The following XIRP2 variants were observed in gnomAD, a reference collection of about 807,000 sequenced individuals.
The protein encoded by XIRP2 is xin actin binding repeat containing 2.
XIRP2 carries 236 observed loss-of-function variants against 277.0 expected under a neutral mutation model. The ratio of observed to expected loss-of-function variants is 0.85; its 90% CI spans 0.77 to 0.95. The LOEUF (loss-of-function observed/expected upper bound fraction) is 0.95, where lower values mean the gene tolerates loss of function less well. Among genes scored for constraint, XIRP2 ranks in the 40% least tolerant of loss-of-function variants. The pLI is 0.00. For synonymous variants in XIRP2, 1,490 were observed against 1,416.5 expected (o/e 1.05, Z -1.17); for missense variants, 4,640 against 4,157.5 (o/e 1.12, Z -3.19).
chr2:167,195,937 C>A (rs951529833), intron 3 of XIRP2, among the ~76,000 whole-genome samples: 22 of 152,126 alleles, frequency 1.4e-4, no homozygotes, highest in African/African-American at 5.1e-4. Context: ...CTTCCATTGA[C>A]CCCCGTATCA....
intron 1 of XIRP2, among the ~76,000 whole-genome samples, chr2:166,891,392 G>A (rs1198126208): frequency 6.6e-6 from 1 of 152,080 alleles, no homozygotes; most frequent in Non-Finnish European, 1.5e-5. Flanking sequence ...ATTAAGTAAT[G>A]TACTATGTTA....
chr2:167,092,550 T>C (rs1266179731), intron 2 of XIRP2, among the ~76,000 whole-genome samples: 1 of 152,158 alleles, frequency 6.6e-6, no homozygotes, highest in African/African-American at 2.4e-5. Flanking sequence ...GTCTTTGGAC[T>C]GCATGCTGAA....
intron 3 of XIRP2, among the ~76,000 whole-genome samples, chr2:167,157,252 A>G (rs539782132): frequency 6.6e-6 from 1 of 152,074 alleles, no homozygotes; most frequent in African/African-American, 2.4e-5. Context: ...TGTCCCTCAC[A>G]TCCTCTCAAT....
intron 3 of XIRP2, among the ~76,000 whole-genome samples, chr2:167,146,315 C>G (rs576547046): frequency 2.2e-4 from 33 of 151,966 alleles, no homozygotes; most frequent in Admixed American, 1.9e-3. Flanking sequence ...GCCTGGCCAA[C>G]ATGGTGAAAC....
intron 2 of XIRP2, among the ~76,000 whole-genome samples, chr2:166,950,414 A>G (rs755096921): frequency 8.5e-5 from 13 of 152,128 alleles, no homozygotes; most frequent in Admixed American, 2.6e-4. Flanking sequence ...TTGTACAAGG[A>G]AAAATTAGAG....
intron 2 of XIRP2, among the ~76,000 whole-genome samples, chr2:167,044,375 C>A (rs1688737062): frequency 6.6e-6 from 1 of 151,956 alleles, no homozygotes; most frequent in South Asian, 2.1e-4. Flanking sequence ...AACAAGGATA[C>A]CCACCCTCAC....
chr2:167,085,210 C>A (rs914732348), intron 2 of XIRP2, among the ~76,000 whole-genome samples: 2 of 151,084 alleles, frequency 1.3e-5, no homozygotes, highest in Admixed American at 1.3e-4. Flanking sequence ...ACCCAGTAGT[C>A]ATTCAGGAGC....
intron 2 of XIRP2, among the ~76,000 whole-genome samples, chr2:167,135,613 T>A (rs1416349498): frequency 6.6e-6 from 1 of 152,130 alleles, no homozygotes; most frequent in African/African-American, 2.4e-5. Context: ...ACATATATTA[T>A]GTTGTATTGT....
chr2:167,117,821 G>C (rs1224532913), intron 2 of XIRP2, among the ~76,000 whole-genome samples: 2 of 152,020 alleles, frequency 1.3e-5, no homozygotes, highest in African/African-American at 2.4e-5. Flanking sequence ...TTTTACTCTA[G>C]GTTTGTCATG....
At chr2:167,134,897 T>C (rs1429976793) in intron 2 of XIRP2, among the ~76,000 whole-genome samples, 1 of 152,162 alleles carries the variant, frequency 6.6e-6, no homozygotes, top group Non-Finnish European at 1.5e-5. Flanking sequence ...AACAAACTGA[T>C]GATTCACGTC....
chr2:167,142,581 G>A (rs1304374523), intron 3 of XIRP2, among the ~76,000 whole-genome samples: 8 of 151,800 alleles, frequency 5.3e-5, no homozygotes, highest in Non-Finnish European at 1.2e-4. Context: ...TAAAAAAAAA[G>A]AGAGAAAGAA....
chr2:167,043,176 C>A (rs1688705532), intron 2 of XIRP2, among the ~76,000 whole-genome samples: 1 of 151,978 alleles, frequency 6.6e-6, no homozygotes, highest in Non-Finnish European at 1.5e-5. Context: ...TCGGATACAG[C>A]TAAAGCAGTG....
chr2:167,225,872 T>TG (rs1694583288), intron 5 of XIRP2, among the ~76,000 whole-genome samples: 1 of 152,264 alleles, frequency 6.6e-6, no homozygotes, highest in African/African-American at 2.4e-5. Flanking sequence ...TGTGGCTGAG[T>TG]GGGCTTTGAT....
intron 3 of XIRP2, among the ~76,000 whole-genome samples, chr2:167,139,395 GTCA>G (rs1691647691): frequency 6.6e-6 from 1 of 151,824 alleles, no homozygotes; most frequent in Non-Finnish European, 1.5e-5. Flanking sequence ...AATCTTCTAA[GTCA>G]TCAACATGTA....
At position 167,243,038 on chromosome 2, in the gene XIRP2, C is replaced by T. The variant is rs1292709532; in HGVS notation, c.1646C>T (p.Thr549Ile). 3.1e-6 allele frequency: 5 copies of T among 1,613,970 alleles called. No individual in the cohort carries two copies. The highest frequency in any genetic ancestry group is 3.4e-6 in the Non-Finnish European group (4 of 1,179,952). Residue 549 changes from threonine to isoleucine, a missense_variant, in exon 9 of 11, where the codon ACA becomes ATA. Transcript: ENST00000409195. ...VQQARYVFEN[T>I]NDSSQKDLNS... ...CAAGCCCGGTATGTTTTTGAAAACA[C>T]AAATGACAGTTCTCAAAAAGATCTG...
At chr2:167,091,480 ATACT>A (rs777355038) in intron 2 of XIRP2, among the ~76,000 whole-genome samples, 6 of 152,268 alleles carry the variant, frequency 3.9e-5, no homozygotes, top group Non-Finnish European at 8.8e-5. Context: ...ATCATATTAA[ATACT>A]TAATTATAGG....
chr2:167,104,985 C>T (rs1035289955), intron 2 of XIRP2, among the ~76,000 whole-genome samples: 5 of 151,990 alleles, frequency 3.3e-5, no homozygotes, highest in Admixed American at 3.3e-4. Flanking sequence ...AGCAAAATTG[C>T]ATTTCAGCTA....
intron 1 of XIRP2, among the ~76,000 whole-genome samples, chr2:166,897,294 CT>C (rs1684269483): frequency 6.6e-6 from 1 of 152,106 alleles, no homozygotes; most frequent in Non-Finnish European, 1.5e-5. Flanking sequence ...CTCAGTGGCC[CT>C]ACGGAAGTGT....
chr2:167,029,546 G>A (rs1363137983), intron 2 of XIRP2, among the ~76,000 whole-genome samples: 2 of 152,078 alleles, frequency 1.3e-5, no homozygotes, highest in African/African-American at 2.4e-5. Context: ...TTGCATCCCA[G>A]GGATGAAGCT....
Sources: gnomAD v4.1 joint callset for allele counts (sites outside exome capture counted in the v4.1 genomes callset) on GRCh38, gnomAD v4.1.1 for gene constraint, MANE v1.5 for transcripts, NCBI Gene and HGNC (gene_info 2026-07-23, HGNC 2026-07-21) for gene names.